The following TNFRSF8 variants were observed in gnomAD, a reference collection of about 807,000 sequenced individuals.
TNFRSF8 encodes tumor necrosis factor receptor superfamily member 8.
Under a neutral mutation model 70.8 loss-of-function variants are expected in TNFRSF8, and 26 were observed. That is an observed-to-expected ratio of 0.37 (90% CI 0.27 to 0.51). TNFRSF8 has a LOEUF of 0.51. TNFRSF8 is among the 20% of genes least tolerant of loss of function. TNFRSF8 has a pLI of 0.94. For synonymous variants in TNFRSF8, 356 were observed against 339.2 expected (o/e 1.05, Z -0.54); for missense variants, 720 against 807.9 (o/e 0.89, Z 1.32).
At chr1:12,135,136 A>C (rs1194275499) in intron 12 of TNFRSF8, among the ~76,000 whole-genome samples, 1 of 151,914 alleles carries the variant, frequency 6.6e-6, no homozygotes, top group Non-Finnish European at 1.5e-5. Flanking sequence ...CAACGTGGTG[A>C]AACCCCGTCT....
chr1:12,125,935 C>T lies in TNFRSF8; in HGVS notation c.1154-16C>T, dbSNP rs565314891. 1.5e-5 allele frequency: 24 copies of T among 1,606,802 alleles called. No individual in the cohort carries two copies. Among genetic ancestry groups the T allele is most frequent in the Admixed American group, 6.7e-5 (4 of 60,010 alleles). ...TTGCAGCAAGGCAAAGAGTGTGGGG[C>T]GTCTCTGTGTTCCAGGGCCAGTGCT... On this transcript the variant is annotated splice_polypyrimidine_tract_variant and intron_variant, in intron 10 of 14. Coordinates refer to ENST00000263932, the MANE Select transcript of TNFRSF8 (RefSeq NM_001243.5).
In TNFRSF8 at chr1:12,123,345, C is replaced by T. The variant is rs1448216744; in HGVS notation, c.1008C>T (p.Asn336=). The change falls in exon 9 of 15, where the codon AAC becomes AAT. Residue 336 remains asparagine (N), a synonymous_variant. Coordinates refer to ENST00000263932, the MANE Select transcript of TNFRSF8 (RefSeq NM_001243.5). ...CCCTGGGGACCCAGCCGGACTGCAA[C>T]CCCACCCCAGAGAATGGCGAGGCGC... ...APPLGTQPDC[N]PTPENGEAPA... is the part of the protein sequence containing the mutation. 3.1e-6 allele frequency: 5 copies of T among 1,613,144 alleles called. No homozygotes were observed. The African/African-American group carries it at 6.7e-5, about 22-fold the overall frequency.
intron 1 of TNFRSF8, among the ~76,000 whole-genome samples, chr1:12,072,163 T>C (rs1017731074): frequency 2.6e-5 from 4 of 152,190 alleles, no homozygotes; most frequent in African/African-American, 9.6e-5. Flanking sequence ...ATTGTAGGGC[T>C]GGTGTAAGGA....
intron 8 of TNFRSF8, among the ~76,000 whole-genome samples, chr1:12,121,476 G>A (rs1641828197): frequency 6.6e-6 from 1 of 152,178 alleles, no homozygotes; most frequent in Non-Finnish European, 1.5e-5. Context: ...TCTAATGTGG[G>A]CCAAATTATC....
chr1:12,085,270 C>T (rs1641134913), intron 2 of TNFRSF8, among the ~76,000 whole-genome samples: 1 of 152,106 alleles, frequency 6.6e-6, no homozygotes, highest in Non-Finnish European at 1.5e-5. Flanking sequence ...ACCACCACAC[C>T]TGGCTAATTT....
chr1:12,111,806 C>T (rs1641636368), intron 6 of TNFRSF8, 92 bp from the exon 7 acceptor site: 2 of 1,020,616 alleles, frequency 2.0e-6, no homozygotes, highest in Non-Finnish European at 3.1e-6. Context: ...GGGAGCTGGC[C>T]ACGGTGAGGG....
intron 14 of TNFRSF8, among the ~76,000 whole-genome samples, chr1:12,139,706 G>A (rs921955858): frequency 1.3e-5 from 2 of 152,238 alleles, no homozygotes; most frequent in Non-Finnish European, 1.5e-5. Flanking sequence ...GCAGACAGTG[G>A]TGGCCAGAAC....
chr1:12,119,491 G>A lies in TNFRSF8; in HGVS notation c.946+3762G>A, dbSNP rs924512700. Among the ~76,000 whole-genome samples the A allele has an allele frequency of 2.6e-5, 4 of 151,666 alleles. No homozygotes were observed. Among genetic ancestry groups the A allele is most frequent in the African/African-American group, 4.8e-5 (2 of 41,266 alleles). On this transcript the variant is annotated intron_variant, in intron 8 of 14. Transcript: ENST00000263932. The surrounding 1 kb of genome is among the most constrained non-coding windows in gnomAD (Gnocchi z 4.4). ...ACCACCATGATTTTATCTACCTGCC[G>A]GTTGATGGCATTTGGGTTGTTTCCA... is the stretch of plus-strand genomic sequence containing the variant.
chr1:12,095,296 T>G (rs963588991), intron 2 of TNFRSF8, among the ~76,000 whole-genome samples: 2 of 152,080 alleles, frequency 1.3e-5, no homozygotes. Flanking sequence ...TATCTTTTTT[T>G]TTTTTTTTGA....
Position 12,109,008 on chromosome 1 carries a change from G to A in TNFRSF8, c.422-558G>A, listed in dbSNP as rs879605952. 4.6e-5 allele frequency among the ~76,000 whole-genome samples: 7 copies of A among 152,066 alleles called. No homozygotes were observed. The highest frequency in any genetic ancestry group is 8.8e-5 in the Non-Finnish European group (6 of 68,026). ...TTAGCACATGTAGCTTAAAAGTCTG[G>A]GGATAGCTCTGAGAAGCTTCAGGCA... On this transcript the variant is annotated intron_variant, in intron 4 of 14. Coordinates refer to ENST00000263932, the MANE Select transcript of TNFRSF8 (RefSeq NM_001243.5). The surrounding 1 kb of genome is among the most constrained non-coding windows in gnomAD (Gnocchi z 4.4).
intron 13 of TNFRSF8, among the ~76,000 whole-genome samples, chr1:12,136,358 C>G (rs954200952): frequency 6.6e-6 from 1 of 152,116 alleles, no homozygotes; most frequent in Non-Finnish European, 1.5e-5. Context: ...TTTTAAAATG[C>G]AGTCTTTTGG....
Position 12,109,510 on chromosome 1 carries a change from C to G in TNFRSF8, c.422-56C>G. Reference sequence around the variant, plus strand: ...GCCTGTGGTAGTGAAGGGTGTATTCCGGGAGACTTTGGGTCCCCAACACTG... The same window carrying G: ...GCCTGTGGTAGTGAAGGGTGTATTCGGGGAGACTTTGGGTCCCCAACACTG... On this transcript the variant is annotated intron_variant, in intron 4 of 14. Transcript: ENST00000263932. The surrounding 1 kb of genome is among the most constrained non-coding windows in gnomAD (Gnocchi z 4.4). 2 of 1,456,224 alleles carry G rather than the reference C, an allele frequency of 1.4e-6. No homozygotes were observed. The highest frequency in any genetic ancestry group is 1.9e-6 in the Non-Finnish European group (2 of 1,043,574). The allele number at this position is 1,456,224 out of a possible 1,614,324, so 90.2% of individuals were successfully genotyped here. A position where few individuals can be genotyped will look rare whatever the true frequency, so the allele number is the denominator to read the frequency against.
chr1:12,073,384 G>A (rs1228986665), intron 1 of TNFRSF8, among the ~76,000 whole-genome samples: 1 of 151,998 alleles, frequency 6.6e-6, no homozygotes, highest in Non-Finnish European at 1.5e-5. Flanking sequence ...TACTCCCAGG[G>A]AGCTGGGCCC....
intron 14 of TNFRSF8, among the ~76,000 whole-genome samples, chr1:12,139,519 G>A (rs1219048767): frequency 5.9e-5 from 9 of 152,198 alleles, no homozygotes; most frequent in South Asian, 2.1e-4. Context: ...TCCCCTACCC[G>A]GTGTCCTAGC....
At chr1:12,125,883 G>C (rs531729972) in intron 10 of TNFRSF8, 68 bp from the exon 11 acceptor site, 1 of 1,277,830 alleles carries the variant, frequency 7.8e-7, no homozygotes, top group African/African-American at 1.5e-5. Flanking sequence ...GGAGGAAGTC[G>C]TCTGGGGCTG....
rs1460773005 is a variant in TNFRSF8, at chr1:12,113,539, G to A, written c.793+1525G>A. Among the ~76,000 whole-genome samples the A allele has an allele frequency of 6.6e-6, 1 of 151,886 alleles. No individual in the cohort carries two copies. Among genetic ancestry groups the A allele is most frequent in the African/African-American group, 2.4e-5 (1 of 41,314 alleles). Reference sequence around the variant, plus strand: ...TGAGAGAGAGACAGAAAGAGGGAGAGAAAGAGTGAGAGAGAGAAAGAGAGA... The same window carrying A: ...TGAGAGAGAGACAGAAAGAGGGAGAAAAAGAGTGAGAGAGAGAAAGAGAGA... On this transcript the variant is annotated intron_variant, in intron 7 of 14. Transcript: ENST00000263932. The surrounding 1 kb of genome is among the most constrained non-coding windows in gnomAD (Gnocchi z 4.9).
intron 1 of TNFRSF8, among the ~76,000 whole-genome samples, chr1:12,066,323 AAATTAGGGCTTGAAT>A (rs1640740459): frequency 1.3e-5 from 2 of 151,504 alleles, no homozygotes; most frequent in South Asian, 4.2e-4. Flanking sequence ...AAAAAATCCC[AAATTAGGGCTTGAAT>A]TTCCTTGAGT....
chr1:12,134,732 G>C (rs3766734), intron 12 of TNFRSF8, among the ~76,000 whole-genome samples: 16,348 of 152,220 alleles, frequency 0.11, 951 homozygotes, highest in South Asian at 0.22. Flanking sequence ...GACTGGCTTC[G>C]GGCGTGTCCC....
intron 2 of TNFRSF8, among the ~76,000 whole-genome samples, chr1:12,086,466 C>G (rs956968794): frequency 1.4e-5 from 2 of 147,998 alleles, no homozygotes; most frequent in African/African-American, 5.0e-5. Flanking sequence ...CATCCAAGTA[C>G]CTGCCCCCCT....
Sources: gnomAD v4.1 joint callset for allele counts (sites outside exome capture counted in the v4.1 genomes callset) on GRCh38, gnomAD v4.1.1 for gene constraint, Gnocchi (gnomAD v3.1) non-coding constraint, MANE v1.5 for transcripts, NCBI Gene and HGNC (gene_info 2026-07-23, HGNC 2026-07-21) for gene names.